SYN3: variants seen among roughly 807,000 people sequenced by gnomAD.
SYN3 encodes synapsin-3.
A neutral mutation model predicts 65.8 loss-of-function variants in SYN3; 35 were observed. That is an observed-to-expected ratio of 0.53 (90% confidence interval 0.41 to 0.70). The LOEUF is 0.70. Ranked by LOEUF, SYN3 falls within the 30% of genes least tolerant of loss-of-function variation. The probability of loss-of-function intolerance (pLI) is 0.00; values close to 1 mark genes in which losing one functional copy is unlikely to be tolerated. For missense variants in SYN3, 680 were observed against 749.0 expected, an observed-to-expected ratio of 0.91 and a Z score of 1.08; for synonymous variants, 270 against 292.9, an observed-to-expected ratio of 0.92 and a Z score of 0.80.
chr22:32,712,071 C>T (rs887252765), intron 6 of SYN3, among the ~76,000 whole-genome samples: 1 of 152,164 alleles, frequency 6.6e-6, no homozygotes, highest in Admixed American at 6.5e-5. Flanking sequence ...AACAACCTCA[C>T]GAAGATTAAA....
At chr22:32,769,322 A>G (rs957263598) in intron 6 of SYN3, among the ~76,000 whole-genome samples, 10 of 152,108 alleles carry the variant, frequency 6.6e-5, no homozygotes, top group African/African-American at 2.4e-5. Context: ...CATGTTGCCA[A>G]ATATAATGGC....
intron 6 of SYN3, among the ~76,000 whole-genome samples, chr22:32,820,315 T>C (rs1465529313): frequency 6.6e-6 from 1 of 150,992 alleles, no homozygotes. Context: ...TTCTACTCCG[T>C]GTGTGTGTCA....
At chr22:32,850,885 C>A (rs1356214185) in intron 6 of SYN3, among the ~76,000 whole-genome samples, 8 of 152,112 alleles carry the variant, frequency 5.3e-5, no homozygotes, top group Admixed American at 3.9e-4. Flanking sequence ...ACGGTGGTAC[C>A]CAACCATCCC....
At chr22:32,880,741 A>G (rs1161002115) in intron 4 of SYN3, among the ~76,000 whole-genome samples, 1 of 152,190 alleles carries the variant, frequency 6.6e-6, no homozygotes, top group African/African-American at 2.4e-5. Context: ...GGATAACTGA[A>G]ACCTGGAGTA....
At chr22:32,705,959 G>T (rs1364439090) in intron 6 of SYN3, among the ~76,000 whole-genome samples, 1 of 152,158 alleles carries the variant, frequency 6.6e-6, no homozygotes, top group African/African-American at 2.4e-5. Context: ...GAGCTTTTGG[G>T]CTGAGACCAT....
At chr22:33,052,316 G>A (rs1019880926) in intron 1 of SYN3, among the ~76,000 whole-genome samples, 7 of 152,154 alleles carry the variant, frequency 4.6e-5, no homozygotes, top group African/African-American at 1.4e-4. Flanking sequence ...GGCTGTGCCC[G>A]TCCCCGGTGG....
intron 8 of SYN3, among the ~76,000 whole-genome samples, chr22:32,540,477 G>A (rs1453258055): frequency 2.0e-5 from 3 of 152,176 alleles, no homozygotes; most frequent in African/African-American, 4.8e-5. Flanking sequence ...ACCAGGCAAC[G>A]ATTGGCCCTC....
intron 12 of SYN3, among the ~76,000 whole-genome samples, chr22:32,525,511 G>T (rs1444735601): frequency 6.6e-6 from 1 of 151,988 alleles, no homozygotes; most frequent in African/African-American, 2.4e-5. Flanking sequence ...ATCGAGACCA[G>T]CCTGGCAAAC....
intron 3 of SYN3, among the ~76,000 whole-genome samples, chr22:32,959,346 T>C (rs760581238): frequency 2.0e-5 from 3 of 152,002 alleles, no homozygotes; most frequent in Non-Finnish European, 4.4e-5. Context: ...TAAACTTCTT[T>C]GTTCTGTAAA....
intron 6 of SYN3, among the ~76,000 whole-genome samples, chr22:32,780,885 T>TTGCC (rs5845030): frequency 6.0e-5 from 6 of 100,642 alleles, no homozygotes; most frequent in African/African-American, 1.6e-4. Flanking sequence ...CTTGGTATTA[T>TTGCC]TGCCTGCCTG....
At chr22:32,621,166 A>G (rs111424882) in intron 6 of SYN3, among the ~76,000 whole-genome samples, 1 of 152,034 alleles carries the variant, frequency 6.6e-6, no homozygotes, top group African/African-American at 2.4e-5. Context: ...TCACCAGGAG[A>G]GCAGCTCCAG....
At chr22:32,624,415 G>A (rs766270535) in intron 6 of SYN3, among the ~76,000 whole-genome samples, 14 of 152,176 alleles carry the variant, frequency 9.2e-5, no homozygotes, top group Admixed American at 5.9e-4. Flanking sequence ...ACACCTGCCC[G>A]GTCATACCCA....
intron 6 of SYN3, chr22:32,860,065 A>G (rs1349876389): frequency 1.3e-5 from 2 of 152,350 alleles, no homozygotes; most frequent in African/African-American, 4.8e-5. Flanking sequence ...CTGAGTCTGG[A>G]GCAAGCACCC....
intron 6 of SYN3, among the ~76,000 whole-genome samples, chr22:32,695,732 CA>C (rs1472348436): frequency 6.6e-6 from 1 of 152,228 alleles, no homozygotes; most frequent in African/African-American, 2.4e-5. Context: ...TGGCTATCCA[CA>C]TAGTGCCTTC....
intron 1 of SYN3, among the ~76,000 whole-genome samples, chr22:33,053,379 C>T (rs539511521): frequency 2.2e-4 from 33 of 152,146 alleles, no homozygotes; most frequent in African/African-American, 6.3e-4. Flanking sequence ...GCCAAGATCA[C>T]GCCATTGCAC....
chr22:32,967,258 A>G (rs1475044436), intron 3 of SYN3, among the ~76,000 whole-genome samples: 1 of 152,202 alleles, frequency 6.6e-6, no homozygotes, highest in South Asian at 2.1e-4. Flanking sequence ...AAACTCCCTG[A>G]GATGAGGGGG....
chr22:32,768,956 C>T (rs1007099471), intron 6 of SYN3, among the ~76,000 whole-genome samples: 4 of 152,154 alleles, frequency 2.6e-5, no homozygotes, highest in Non-Finnish European at 4.4e-5. Flanking sequence ...CCCTGCTTTC[C>T]CTCTTGCTCC....
At chr22:32,895,414 T>C (rs541312935) in intron 4 of SYN3, among the ~76,000 whole-genome samples, 69 of 152,198 alleles carry the variant, frequency 4.5e-4, no homozygotes, top group Non-Finnish European at 8.1e-4. Context: ...ATCTATCTAT[T>C]TATCTATCAT....
At chr22:32,954,468 G>C (rs1048472980) in intron 3 of SYN3, among the ~76,000 whole-genome samples, 1 of 152,256 alleles carries the variant, frequency 6.6e-6, no homozygotes, top group Non-Finnish European at 1.5e-5. Flanking sequence ...GAAAAGAACA[G>C]TGGTTAATGT....
Sources: allele counts gnomAD v4.1 joint callset (sites outside exome capture counted in the v4.1 genomes callset), GRCh38; gene constraint gnomAD v4.1.1; transcripts MANE v1.5; gene names NCBI Gene and HGNC (gene_info 2026-07-23, HGNC 2026-07-21).